Variants in SYT1 observed in about 807,000 individuals in gnomAD.
The protein encoded by SYT1 is synaptotagmin-1.
In SYT1, 8 loss-of-function variants were observed where a neutral mutation model predicts 44.8. That is an observed-to-expected ratio of 0.18 (90% confidence interval 0.10 to 0.32). The LOEUF is 0.32. SYT1 is among the 10% of genes least tolerant of loss of function. The pLI is 1.00. For missense variants in SYT1, 286 were observed against 509.3 expected, an observed-to-expected ratio of 0.56 and a Z score of 4.22; for synonymous variants, 154 against 188.8, an observed-to-expected ratio of 0.82 and a Z score of 1.51.
intron 1 of SYT1, among the ~76,000 whole-genome samples, chr12:78,951,438 T>C (rs948544093): frequency 6.6e-6 from 1 of 152,156 alleles, no homozygotes; most frequent in African/African-American, 2.4e-5. Context: ...GGAATTGTTA[T>C]AATGTCGACT....
intron 3 of SYT1, among the ~76,000 whole-genome samples, chr12:79,165,929 T>G (rs567333008): frequency 2.0e-5 from 3 of 152,152 alleles, no homozygotes; most frequent in Non-Finnish European, 4.4e-5. Context: ...CAATTTTTTC[T>G]TACTTTTTCT....
intron 4 of SYT1, among the ~76,000 whole-genome samples, chr12:79,221,394 C>T (rs1473416238): frequency 6.6e-6 from 1 of 152,034 alleles, no homozygotes; most frequent in Non-Finnish European, 1.5e-5. Flanking sequence ...AGAATTTAAC[C>T]TATTTACATT....
At chr12:79,179,460 T>TATATAGATATATCCATATAG (rs1176804239) in intron 3 of SYT1, among the ~76,000 whole-genome samples, 2 of 78,418 alleles carry the variant, frequency 2.6e-5, no homozygotes, top group Non-Finnish European at 4.9e-5. Flanking sequence ...AGATATAATC[T>TATATAGATATATCCATATAG]ATATAGATAT....
chr12:79,152,325 C>A (rs1231923052), intron 3 of SYT1, among the ~76,000 whole-genome samples: 1 of 151,982 alleles, frequency 6.6e-6, no homozygotes. Context: ...GTTTTTAGGA[C>A]ATAGGAAGTT....
chr12:79,311,968 T>C (rs1218118719), intron 8 of SYT1, among the ~76,000 whole-genome samples: 2 of 151,156 alleles, frequency 1.3e-5, no homozygotes, highest in East Asian at 3.9e-4. Flanking sequence ...TGGATACATA[T>C]GTAACTAACC....
At chr12:78,960,039 A>C (rs994575686) in intron 1 of SYT1, among the ~76,000 whole-genome samples, 2 of 152,174 alleles carry the variant, frequency 1.3e-5, no homozygotes, top group African/African-American at 4.8e-5. Flanking sequence ...AAAGTTCCAA[A>C]ATTTATATAT....
chr12:78,903,936 T>TA (rs985482074), intron 1 of SYT1, among the ~76,000 whole-genome samples: 7 of 151,914 alleles, frequency 4.6e-5, no homozygotes, highest in Non-Finnish European at 8.8e-5. Context: ...TTTTTTCTAT[T>TA]AAAAAATCAC....
At chr12:79,037,113 A>G (rs1873187064) in intron 2 of SYT1, among the ~76,000 whole-genome samples, 1 of 151,850 alleles carries the variant, frequency 6.6e-6, no homozygotes, top group African/African-American at 2.4e-5. Flanking sequence ...CCCAGGTACA[A>G]TTCTGCTCCT....
intron 2 of SYT1, among the ~76,000 whole-genome samples, chr12:79,013,284 T>C (rs1565762257): frequency 6.6e-6 from 1 of 152,140 alleles, no homozygotes; most frequent in Non-Finnish European, 1.5e-5. Context: ...AGGTATTTCA[T>C]AAGTATTTGT....
intron 8 of SYT1, among the ~76,000 whole-genome samples, chr12:79,314,958 G>T (rs73352903): frequency 0.011 from 1,612 of 152,278 alleles, 30 homozygotes; most frequent in African/African-American, 0.037. Context: ...CAGACAGAAA[G>T]TAGATTCATG....
rs1032884574 is a variant in SYT1 at position 78,869,524 on chromosome 12, A to G, written c.-217+4415A>G. 2.0e-5 allele frequency among the ~76,000 whole-genome samples: 3 copies of G among 151,974 alleles called. No individual in the cohort carries two copies. In the East Asian group the frequency reaches 5.8e-4, roughly 29 times the overall value. ...CTATGTTGTAGAAATGGTAAACACT[A>G]GAGATGCTATTTCTGCAATTTAAAA... On this transcript the variant is annotated intron_variant, in intron 1 of 10. Transcript: ENST00000261205.
chr12:79,349,736 T>C (rs1882806484), intron 8 of SYT1, among the ~76,000 whole-genome samples: 1 of 152,150 alleles, frequency 6.6e-6, no homozygotes, highest in Admixed American at 6.5e-5. Context: ...AAGAAAAACA[T>C]TCTTTTTAAT....
intron 1 of SYT1, chr12:78,955,622 G>A (rs1036267545): frequency 6.6e-6 from 1 of 151,996 alleles, no homozygotes; most frequent in Non-Finnish European, 1.5e-5. Flanking sequence ...CATGAGGGCA[G>A]AGCCCCCCCA....
At chr12:78,933,449 G>A (rs1592578153) in intron 1 of SYT1, among the ~76,000 whole-genome samples, 1 of 152,000 alleles carries the variant, frequency 6.6e-6, no homozygotes, top group Admixed American at 6.6e-5. Context: ...TCATTGTTAT[G>A]GCTTCTATAT....
At chr12:79,130,438 A>G (rs187322271) in intron 3 of SYT1, among the ~76,000 whole-genome samples, 63 of 152,320 alleles carry the variant, frequency 4.1e-4, no homozygotes, top group African/African-American at 6.7e-4. Context: ...GTTCATAAGC[A>G]GTTCTCCATG....
At chr12:78,961,000 A>G (rs1007530625) in intron 1 of SYT1, among the ~76,000 whole-genome samples, 1 of 152,152 alleles carries the variant, frequency 6.6e-6, no homozygotes, top group Non-Finnish European at 1.5e-5. Context: ...AAACACGTAT[A>G]TATTCATTCT....
At chr12:78,917,267 C>T (rs1876714749) in intron 1 of SYT1, among the ~76,000 whole-genome samples, 1 of 152,032 alleles carries the variant, frequency 6.6e-6, no homozygotes, top group Non-Finnish European at 1.5e-5. Flanking sequence ...CCTCCTACAT[C>T]GTCTCTGCTC....
intron 2 of SYT1, among the ~76,000 whole-genome samples, chr12:79,041,612 T>C (rs1415341491): frequency 6.6e-6 from 1 of 152,114 alleles, no homozygotes; most frequent in African/African-American, 2.4e-5. Flanking sequence ...TGAATACCCT[T>C]TATTTCCTTC....
chr12:79,224,093 T>C (rs1231369111), intron 4 of SYT1, among the ~76,000 whole-genome samples: 3 of 152,178 alleles, frequency 2.0e-5, no homozygotes, highest in Non-Finnish European at 4.4e-5. Context: ...CATGCATGGA[T>C]AGCTGTTCAA....
Sources: gnomAD v4.1 joint callset for allele counts (sites outside exome capture counted in the v4.1 genomes callset) on GRCh38, gnomAD v4.1.1 for gene constraint, MANE v1.5 for transcripts, NCBI Gene and HGNC (gene_info 2026-07-23, HGNC 2026-07-21) for gene names.